The following FOXJ3 variants were observed in gnomAD, a reference collection of about 807,000 sequenced individuals.
FOXJ3 encodes forkhead box protein J3.
In FOXJ3, 22 loss-of-function variants were observed where a neutral mutation model predicts 76.1. The observed-to-expected ratio is 0.29, with a 90% CI of 0.21 to 0.41. FOXJ3 has a LOEUF of 0.41. Ranked by LOEUF, FOXJ3 falls within the 10% of genes least tolerant of loss-of-function variation. The pLI is 1.00. For missense variants in FOXJ3, 613 were observed against 762.1 expected (o/e 0.80, Z 2.30); for synonymous variants, 269 against 261.2 (o/e 1.03, Z -0.29).
chr1:42,307,983 G>A (rs1435214456), intron 2 of FOXJ3, among the ~76,000 whole-genome samples: 1 of 152,124 alleles, frequency 6.6e-6, no homozygotes, highest in African/African-American at 2.4e-5. Context: ...TAGAGAGACT[G>A]GGGGAGAGAG....
intron 1 of FOXJ3, among the ~76,000 whole-genome samples, chr1:42,334,760 T>C (rs1164847005): frequency 2.0e-5 from 3 of 150,734 alleles, no homozygotes; most frequent in Non-Finnish European, 4.4e-5. Context: ...CACGTCTGGT[T>C]CCCCGGTGCC....
intron 3 of FOXJ3, among the ~76,000 whole-genome samples, chr1:42,275,809 A>C (rs1392839257): frequency 2.0e-5 from 3 of 152,212 alleles, no homozygotes; most frequent in Non-Finnish European, 4.4e-5. Context: ...TAGCCCTGGA[A>C]CATCTCAAGG....
intron 5 of FOXJ3, among the ~76,000 whole-genome samples, chr1:42,223,631 A>C (rs968628089): frequency 2.0e-5 from 3 of 152,190 alleles, no homozygotes; most frequent in Non-Finnish European, 4.4e-5. Flanking sequence ...GCCTTCCCAG[A>C]CAGCATTATG....
rs770643064 is a variant in FOXJ3, at chr1:42,199,171, G to A, written c.690C>T (p.Asn230=). The change falls in exon 7 of 13, where the codon AAC becomes AAT. Residue 230 remains asparagine, a synonymous_variant. Coordinates refer to ENST00000361346, the MANE Select transcript of FOXJ3 (RefSeq NM_014947.5). ...ATGCCAAACTCTGGTCTGAGAGACTGTTGTTAAGGCTACTGCGTGGGCTAT... is the reference window on the plus strand; with the variant it reads ...ATGCCAAACTCTGGTCTGAGAGACTATTGTTAAGGCTACTGCGTGGGCTAT... ...GSDSPRSSLN[N]SLSDQSLASV... 3.7e-6 allele frequency: 6 copies of A among 1,612,680 alleles called. No homozygotes were observed. The highest frequency in any genetic ancestry group is 2.2e-5 in the East Asian group (1 of 44,856).
Position 42,278,478 on chromosome 1 carries a change from G to A in FOXJ3, c.239C>T (p.Pro80Leu). The A allele has an allele frequency of 1.2e-6, 2 of 1,614,088 alleles. No homozygotes were observed. The highest frequency in any genetic ancestry group is 1.7e-6 in the Non-Finnish European group (2 of 1,179,932). ...EVQQHKDGKPPYSYASLITFA... is the reference protein window; with the variant it reads ...EVQQHKDGKPLYSYASLITFA... ...TGTAATGAGGCTGGCATAACTGTAT[G>A]GAGGTTTCCCATCTTTGTGCTGTTG... The change falls in exon 3 of 13, where the codon CCA (proline) becomes CTA (leucine). Residue 80 changes from proline to leucine, a missense_variant. Coordinates refer to ENST00000361346, the MANE Select transcript of FOXJ3 (RefSeq NM_014947.5).
chr1:42,213,740 G>A (rs1647012630), intron 5 of FOXJ3, among the ~76,000 whole-genome samples: 2 of 152,020 alleles, frequency 1.3e-5, no homozygotes, highest in Admixed American at 1.3e-4. Context: ...ACTTACATGT[G>A]GATTCTAAAA....
chr1:42,329,720 G>C (rs1047620568), intron 1 of FOXJ3, among the ~76,000 whole-genome samples: 1 of 152,184 alleles, frequency 6.6e-6, no homozygotes, highest in Admixed American at 6.5e-5. Flanking sequence ...ACAAAAAAAT[G>C]TCTAAACAAT....
chr1:42,272,068 A>T (rs1651904754), intron 3 of FOXJ3, among the ~76,000 whole-genome samples: 1 of 152,232 alleles, frequency 6.6e-6, no homozygotes, highest in African/African-American at 2.4e-5. Context: ...ACAAAATGAA[A>T]GGGAGTTTAC....
At chr1:42,183,621 C>T (rs908975991) in intron 11 of FOXJ3, among the ~76,000 whole-genome samples, 2 of 151,980 alleles carry the variant, frequency 1.3e-5, no homozygotes, top group Non-Finnish European at 2.9e-5. Context: ...AGTTTATCTA[C>T]TATTTCATGT....
At chr1:42,189,512 G>A (rs1024343166) in intron 9 of FOXJ3, 108 bp from the exon 10 acceptor site, 44 of 735,298 alleles carry the variant, frequency 6.0e-5, no homozygotes, top group African/African-American at 1.2e-4. Context: ...TTCTTGTCCC[G>A]TCTTACAAGG....
At chr1:42,263,212 C>A (rs777180286) in intron 4 of FOXJ3, among the ~76,000 whole-genome samples, 2 of 152,078 alleles carry the variant, frequency 1.3e-5, no homozygotes, top group Non-Finnish European at 2.9e-5. Flanking sequence ...AAGAAAAATA[C>A]CTGACATGAC....
At chr1:42,297,941 T>C (rs182927029) in intron 2 of FOXJ3, among the ~76,000 whole-genome samples, 187 of 152,264 alleles carry the variant, frequency 1.2e-3, no homozygotes, top group African/African-American at 4.1e-3. Context: ...GCCTTTTTTA[T>C]TGTTAGAAGG....
chr1:42,308,767 A>C (rs1417305392), intron 2 of FOXJ3, among the ~76,000 whole-genome samples: 1 of 152,192 alleles, frequency 6.6e-6, no homozygotes, highest in Non-Finnish European at 1.5e-5. Flanking sequence ...ATTATAACAT[A>C]ACTTACGTTA....
chr1:42,316,130 A>G (rs1655090556), intron 1 of FOXJ3, among the ~76,000 whole-genome samples: 1 of 152,126 alleles, frequency 6.6e-6, no homozygotes, highest in African/African-American at 2.4e-5. Context: ...GGGGGCATGG[A>G]GTGAAATAGA....
At chr1:42,230,449 T>C (rs1647985141) in intron 4 of FOXJ3, among the ~76,000 whole-genome samples, 1 of 152,226 alleles carries the variant, frequency 6.6e-6, no homozygotes, top group Non-Finnish European at 1.5e-5. Flanking sequence ...ATATACCTAA[T>C]GAGAGATCCT....
chr1:42,295,117 A>G (rs1019344360), intron 2 of FOXJ3, among the ~76,000 whole-genome samples: 2 of 152,186 alleles, frequency 1.3e-5, no homozygotes, highest in Non-Finnish European at 2.9e-5. Context: ...ACATGGGTAT[A>G]TTGCATATTG....
Position 42,191,325 on chromosome 1 carries a change from T to C in FOXJ3, c.1329A>G (p.Pro443=), listed in dbSNP as rs1350722145. 2 of 1,546,316 alleles carry C rather than the reference T, an allele frequency of 1.3e-6. No homozygotes were observed. Among genetic ancestry groups the C allele is most frequent in the African/African-American group, 1.4e-5 (1 of 73,246 alleles). The change falls in exon 9 of 13, where the codon CCA becomes CCG. Residue 443 remains proline (P), a synonymous_variant. Coordinates refer to ENST00000361346, the MANE Select transcript of FOXJ3 (RefSeq NM_014947.5). ...QTLTHQAPPP[P]QQVSCNSGVS... is the part of the protein sequence containing the mutation. ...TACCAGAATTACAGGATACCTGTTG[T>C]GGGGGTGGGGGTGCCTGATGTGTTA...
At chr1:42,247,208 T>C (rs1259668444) in intron 4 of FOXJ3, among the ~76,000 whole-genome samples, 3 of 152,200 alleles carry the variant, frequency 2.0e-5, no homozygotes, top group African/African-American at 4.8e-5. Context: ...CTTAAGGTGA[T>C]ATATTCCCTA....
At chr1:42,205,985 T>C (rs1646853862) in intron 5 of FOXJ3, 122 bp from the exon 6 acceptor site, 7 of 611,562 alleles carry the variant, frequency 1.1e-5, no homozygotes, top group Non-Finnish European at 2.0e-5. Context: ...TGAAAATGAA[T>C]TTAAATCACT....
Sources: allele counts gnomAD v4.1 joint callset (sites outside exome capture counted in the v4.1 genomes callset), GRCh38; gene constraint gnomAD v4.1.1; transcripts MANE v1.5; gene names NCBI Gene and HGNC (gene_info 2026-07-23, HGNC 2026-07-21).